The following MROH7 variants were observed in gnomAD, a reference collection of about 807,000 sequenced individuals.
MROH7 encodes the protein maestro heat-like repeat-containing protein family member 7.
MROH7 carries 113 observed loss-of-function variants against 129.2 expected under a neutral mutation model. The ratio of observed to expected loss-of-function variants is 0.87; its 90% CI spans 0.75 to 1.02. The LOEUF is 1.02. Ranked by LOEUF, MROH7 falls within the 50% of genes least tolerant of loss-of-function variation. The probability of loss-of-function intolerance (pLI) is 0.00; values close to 1 mark genes in which losing one functional copy is unlikely to be tolerated. For synonymous variants in MROH7, 655 were observed against 667.9 expected (o/e 0.98, Z 0.30); for missense variants, 1,601 against 1,671.3 (o/e 0.96, Z 0.73).
At chr1:54,662,572 T>C (rs1232102004) in intron 3 of MROH7, among the ~76,000 whole-genome samples, 1 of 137,334 alleles carries the variant, frequency 7.3e-6, no homozygotes, top group Non-Finnish European at 1.5e-5. Flanking sequence ...GTACTATAAA[T>C]TTTTTTCCCT....
At chr1:54,670,144 T>C (rs1644874357) in intron 5 of MROH7, among the ~76,000 whole-genome samples, 1 of 151,904 alleles carries the variant, frequency 6.6e-6, no homozygotes, top group African/African-American at 2.4e-5. Flanking sequence ...ACATAGTGGT[T>C]TTTGCTTTGG....
intron 3 of MROH7, among the ~76,000 whole-genome samples, chr1:54,654,682 A>C (rs997535446): frequency 6.6e-6 from 1 of 151,834 alleles, no homozygotes; most frequent in African/African-American, 2.4e-5. Context: ...TCAAAAAAGA[A>C]AAAAAAATCA....
chr1:54,667,020 T>A (rs1460632063), intron 4 of MROH7, among the ~76,000 whole-genome samples: 1 of 152,150 alleles, frequency 6.6e-6, no homozygotes, highest in African/African-American at 2.4e-5. Flanking sequence ...GGGGTATCAG[T>A]TTCTGAGCCC....
In MROH7 at chr1:54,653,580, C is replaced by A. The variant is rs1255294036; in HGVS notation, c.654C>A (p.Leu218=). The change falls in exon 3 of 24, where the codon CTC becomes CTA. Residue 218 remains leucine (L), a synonymous_variant. Coordinates refer to ENST00000421030, the MANE Select transcript of MROH7 (RefSeq NM_001039464.4). The part of the protein sequence containing the change: ...SSLDLDSNPL[L]NMGSRNTSKL... ...TGGACCTTGACTCCAATCCATTGCT[C>A]AACATGGGCTCAAGAAACACCTCCA... 6.2e-7 allele frequency: 1 copy of A among 1,614,054 alleles called. No homozygotes were observed. Among genetic ancestry groups the A allele is most frequent in the Non-Finnish European group, 8.5e-7 (1 of 1,180,036 alleles).
rs1023704333 is a variant in MROH7 at position 54,679,340 on chromosome 1, A to C, written c.2127A>C (p.Ser709=). ...CCCTGGAAGGGCTGAAAGGCAGCTC[A>C]GAGGCTCCAGGGAAGGACTCCAGGG... ...LAALEGLKGS[S]EAPGKDSREM... Residue 709 remains serine (S), a synonymous_variant, in exon 12 of 24, where the codon TCA becomes TCC. Transcript: ENST00000421030. 2.5e-6 allele frequency: 4 copies of C among 1,614,024 alleles called. No homozygotes were observed. Among genetic ancestry groups the C allele is most frequent in the African/African-American group, 2.7e-5 (2 of 74,950 alleles).
chr1:54,679,232 G>A (rs763781812), intron 11 of MROH7, 31 bp from the exon 12 acceptor site: 2 of 1,612,910 alleles, frequency 1.2e-6, no homozygotes, highest in Non-Finnish European at 1.7e-6. Flanking sequence ...CTACCCATCA[G>A]TGTGTCATGA....
rs772455635 is a variant in MROH7, at chr1:54,679,415, G to T, written c.2202G>T (p.Trp734Cys). 6.2e-7 allele frequency: 1 copy of T among 1,613,888 alleles called. No homozygotes were observed. The highest frequency in any genetic ancestry group is 1.3e-5 in the African/African-American group (1 of 75,076). Reference sequence around the variant, plus strand: ...TCATGCTCAGCTCGGTGCTGGAGTGGTACCGCCACAGGGCGCTGGAGGTGG... The same window carrying T: ...TCATGCTCAGCTCGGTGCTGGAGTGTTACCGCCACAGGGCGCTGGAGGTGG... ...SEVMLSSVLEWYRHRALEVIP... is the reference protein window; with the variant it reads ...SEVMLSSVLECYRHRALEVIP... The change falls in exon 12 of 24, where the codon TGG becomes TGT. Residue 734 changes from tryptophan to cysteine, a missense_variant. Transcript: ENST00000421030.
At chr1:54,688,802 A>T (rs796615587) in intron 15 of MROH7, among the ~76,000 whole-genome samples, 9 of 152,284 alleles carry the variant, frequency 5.9e-5, no homozygotes, top group African/African-American at 2.2e-4. Context: ...CACAAGGGGA[A>T]AAAAAGGAGG....
chr1:54,657,884 C>T (rs549654579), intron 3 of MROH7, among the ~76,000 whole-genome samples: 11 of 152,184 alleles, frequency 7.2e-5, no homozygotes, highest in African/African-American at 2.6e-4. Flanking sequence ...TACTCTCAAA[C>T]TCCTGACCTC....
intron 6 of MROH7, 83 bp downstream of exon 6, chr1:54,670,659 C>CAG: frequency 7.5e-7 from 1 of 1,337,350 alleles, no homozygotes; most frequent in Non-Finnish European, 1.0e-6. Context: ...TCGCTGTACC[C>CAG]TCCCCCAACC....
rs139919168 is a variant in MROH7 at position 54,705,420 on chromosome 1, G to A, written c.3565-1015G>A. 7.0e-4 allele frequency among the ~76,000 whole-genome samples: 106 copies of A among 152,222 alleles called. 1 individual carries two copies. Among genetic ancestry groups the A allele is most frequent in the Admixed American group, 2.2e-3 (34 of 15,298 alleles). The stretch of plus-strand genomic sequence containing the variant: ...CTCTTGGGGGAGCCCGAGATACAGT[G>A]GGGGGACATCAGTATAAATAATTAC... On this transcript the variant is annotated intron_variant, in intron 21 of 23. Transcript: ENST00000421030.
rs201762631 is a variant in MROH7, at chr1:54,670,936, C to G, written c.1599+7C>G. 1 of 1,593,304 alleles carries G rather than the reference C, an allele frequency of 6.3e-7. No homozygotes were observed. Among genetic ancestry groups the G allele is most frequent in the Non-Finnish European group, 8.5e-7 (1 of 1,170,476 alleles). On this transcript the variant is annotated splice_region_variant and intron_variant, in intron 7 of 23. Transcript: ENST00000421030. Reference sequence around the variant, plus strand: ...CAAGGCTGAGACCATCCAGGTGAGGCGGGACCTTCCCAGCAGGGCCTCAGG... The same window carrying G: ...CAAGGCTGAGACCATCCAGGTGAGGGGGGACCTTCCCAGCAGGGCCTCAGG...
intron 13 of MROH7, 97 bp from the exon 14 acceptor site, chr1:54,682,559 A>G (rs1645086963): frequency 8.0e-7 from 1 of 1,251,828 alleles, no homozygotes; most frequent in African/African-American, 1.5e-5. Context: ...ATGCCATTTC[A>G]TTGGCATCTT....
intron 10 of MROH7, among the ~76,000 whole-genome samples, chr1:54,678,089 C>T (rs1645010305): frequency 6.6e-6 from 1 of 152,206 alleles, no homozygotes; most frequent in Non-Finnish European, 1.5e-5. Flanking sequence ...AATGGGAACT[C>T]TCGTGCACTG....
chr1:54,670,671 G>T, intron 6 of MROH7, 95 bp downstream of exon 6: 1 of 341,884 alleles, frequency 2.9e-6, no homozygotes, highest in Non-Finnish European at 4.6e-6. Context: ...CCCCCAACCC[G>T]CCCCCACCCC....
Position 54,654,142 on chromosome 1 carries a change from C to A in MROH7, c.1216C>A (p.Gln406Lys). 6.2e-7 allele frequency: 1 copy of A among 1,609,656 alleles called. No individual in the cohort carries two copies. Among genetic ancestry groups the A allele is most frequent in the South Asian group, 1.1e-5 (1 of 90,160 alleles). Reference sequence around the variant, plus strand: ...CGCAGGCAAGGACGCCGTGACCTTGCAAGGCATCCCTGAGGGTAAGGCCAG... The same window carrying A: ...CGCAGGCAAGGACGCCGTGACCTTGAAAGGCATCCCTGAGGGTAAGGCCAG... The part of the protein sequence containing the change: ...NPAGKDAVTL[Q>K]GIPEGAFDEV... The change falls in exon 3 of 24, where the codon CAA (glutamine) becomes AAA (lysine). Residue 406 changes from glutamine to lysine, a missense_variant. Coordinates refer to ENST00000421030, the MANE Select transcript of MROH7 (RefSeq NM_001039464.4).
In MROH7 at chr1:54,678,861, G is replaced by A; in HGVS notation, c.2049+7G>A. 1 of 1,608,282 alleles carries A rather than the reference G, an allele frequency of 6.2e-7. No homozygotes were observed. The stretch of plus-strand genomic sequence containing the variant: ...CATTCTGCGGGTGATCGAGGTGACT[G>A]CCTGGTGCCCATCCAGGAGCGGAGG... On this transcript the variant is annotated splice_region_variant and intron_variant, in intron 11 of 23. Coordinates refer to ENST00000421030, the MANE Select transcript of MROH7 (RefSeq NM_001039464.4).
chr1:54,667,813 CCT>C, intron 4 of MROH7, among the ~76,000 whole-genome samples: 1 of 152,088 alleles, frequency 6.6e-6, no homozygotes, highest in Non-Finnish European at 1.5e-5. Flanking sequence ...GCCCAGTAGT[CCT>C]ATGTAGTCCA....
At chr1:54,709,111 G>A (rs1214528363) in intron 23 of MROH7, 35 bp downstream of exon 23, 1 of 1,579,194 alleles carries the variant, frequency 6.3e-7, no homozygotes, top group Admixed American at 1.7e-5. Flanking sequence ...AATTTCAGGG[G>A]ACAGTGAGAC....
Sources: allele counts gnomAD v4.1 joint callset (sites outside exome capture counted in the v4.1 genomes callset), GRCh38; gene constraint gnomAD v4.1.1; transcripts MANE v1.5; gene names NCBI Gene and HGNC (gene_info 2026-07-23, HGNC 2026-07-21).